The following HMGB1 variants were observed in gnomAD, a reference collection of about 807,000 sequenced individuals.
HMGB1 encodes high mobility group box 1.
For missense variants in HMGB1, 79 were observed against 253.5 expected (o/e 0.31, Z 4.67); for synonymous variants, 81 against 84.0 (o/e 0.96, Z 0.19).
At chr13:30,538,566 CTT>C (rs1343502948) in intron 1 of HMGB1, among the ~76,000 whole-genome samples, 5 of 67,468 alleles carry the variant, frequency 7.4e-5, no homozygotes, top group African/African-American at 3.4e-4. Context: ...TTTCTTTCTT[CTT>C]TTTCTTTCTT....
intron 1 of HMGB1, among the ~76,000 whole-genome samples, chr13:30,495,630 C>T (rs1016011076): frequency 1.3e-5 from 2 of 152,078 alleles, no homozygotes; most frequent in Non-Finnish European, 1.5e-5. Flanking sequence ...AGGCGCGTGC[C>T]GCCACGCCTG....
intron 1 of HMGB1, among the ~76,000 whole-genome samples, chr13:30,507,570 G>T (rs1057201194): frequency 3.9e-5 from 6 of 152,210 alleles, no homozygotes; most frequent in African/African-American, 1.4e-4. Flanking sequence ...GACTAGCACA[G>T]CAGAATTACT....
chr13:30,464,264 G>C (rs2137403045), intron 1 of HMGB1: 2 of 985,480 alleles, frequency 2.0e-6, no homozygotes, highest in Non-Finnish European at 2.4e-6. Context: ...GGGGGTGGCG[G>C]TGCCACCGCG....
chr13:30,475,116 CTG>C (rs1324601150), intron 1 of HMGB1, among the ~76,000 whole-genome samples: 1 of 74,298 alleles, frequency 1.3e-5, no homozygotes, highest in Non-Finnish European at 2.5e-5. Flanking sequence ...CCTTGGCTCA[CTG>C]TCTCTCTCTC....
chr13:30,514,728 C>A (rs775722543), intron 1 of HMGB1, among the ~76,000 whole-genome samples: 119 of 152,254 alleles, frequency 7.8e-4, no homozygotes, highest in Non-Finnish European at 1.4e-3. Flanking sequence ...GCCTCAAACT[C>A]CTGGGCTCAA....
intron 1 of HMGB1, among the ~76,000 whole-genome samples, chr13:30,549,484 G>T (rs564290176): frequency 2.0e-5 from 3 of 152,196 alleles, no homozygotes; most frequent in Admixed American, 6.5e-5. Context: ...TTGGGCTCAA[G>T]TGGTCCTCCT....
intron 4 of HMGB1, 57 bp downstream of exon 4, chr13:30,462,481 C>A (rs1428653838): frequency 7.3e-7 from 1 of 1,376,918 alleles, no homozygotes; most frequent in Admixed American, 1.7e-5. Flanking sequence ...AAACTAAGTA[C>A]AATCATACAT....
intron 1 of HMGB1, among the ~76,000 whole-genome samples, chr13:30,524,027 T>C (rs985993150): frequency 1.3e-5 from 2 of 152,154 alleles, no homozygotes; most frequent in African/African-American, 4.8e-5. Flanking sequence ...GATTAGTTCA[T>C]GTCCTTTGCA....
chr13:30,543,723 AG>A (rs1229130231), intron 1 of HMGB1, among the ~76,000 whole-genome samples: 3 of 152,172 alleles, frequency 2.0e-5, no homozygotes, highest in African/African-American at 7.2e-5. Flanking sequence ...TGGGCCCTGA[AG>A]CCCCAACTGC....
chr13:30,494,097 G>A (rs1887558439), intron 1 of HMGB1, among the ~76,000 whole-genome samples: 1 of 151,912 alleles, frequency 6.6e-6, no homozygotes, highest in Non-Finnish European at 1.5e-5. Context: ...CTCCCATTGA[G>A]TGTTTGGCAG....
intron 1 of HMGB1, among the ~76,000 whole-genome samples, chr13:30,601,437 T>C (rs1950399859): frequency 6.6e-6 from 1 of 152,158 alleles, no homozygotes; most frequent in African/African-American, 2.4e-5. Context: ...GGAGTTTTAG[T>C]GTCCTCACTT....
Position 30,524,096 on chromosome 13 carries a change from C to G in HMGB1, c.-14-60402G>C, listed in dbSNP as rs574292976. 3.9e-5 allele frequency among the ~76,000 whole-genome samples: 6 copies of G among 152,008 alleles called. No individual in the cohort carries two copies. The South Asian group carries it at 1.3e-3, about 32-fold the overall frequency. On this transcript the variant is annotated intron_variant, in intron 1 of 4. Transcript: ENST00000405805. ...AGCAAACTAACACAGGAACAGAAAA[C>G]CAAACACCACATGCTCTCACTCGTA...
At chr13:30,529,368 T>C (rs1888446754) in intron 1 of HMGB1, among the ~76,000 whole-genome samples, 1 of 152,206 alleles carries the variant, frequency 6.6e-6, no homozygotes, top group Non-Finnish European at 1.5e-5. Context: ...GGATGTCCTA[T>C]GAACCAAGGA....
At chr13:30,616,588 A>G (rs1347988822) in intron 1 of HMGB1, 1 of 152,248 alleles carries the variant, frequency 6.6e-6, no homozygotes, top group Non-Finnish European at 1.5e-5. Context: ...TTCATAAAAA[A>G]GAAAAACCTA....
intron 1 of HMGB1, among the ~76,000 whole-genome samples, chr13:30,507,186 A>G (rs1369950805): frequency 2.0e-5 from 3 of 152,002 alleles, no homozygotes; most frequent in Non-Finnish European, 2.9e-5. Flanking sequence ...ACCCTCCACT[A>G]AGCTCTCTCC....
intron 1 of HMGB1, among the ~76,000 whole-genome samples, chr13:30,529,028 CAAAAAAAAAAAAA>C (rs59654057): frequency 2.8e-4 from 15 of 53,548 alleles, no homozygotes; most frequent in East Asian, 2.0e-3. Flanking sequence ...GACTGCGTCT[CAAAAAAAAAAAAA>C]AAAAAAAAAA....
At chr13:30,570,155 C>T (rs926695035) in intron 1 of HMGB1, among the ~76,000 whole-genome samples, 1 of 152,192 alleles carries the variant, frequency 6.6e-6, no homozygotes, top group Non-Finnish European at 1.5e-5. Flanking sequence ...GCCTGGAAGC[C>T]TCGCTCTGCT....
chr13:30,593,947 C>T (rs1334293627), intron 1 of HMGB1, among the ~76,000 whole-genome samples: 1 of 152,174 alleles, frequency 6.6e-6, no homozygotes, highest in Non-Finnish European at 1.5e-5. Context: ...ATTGAATTGA[C>T]TGACAAAACT....
chr13:30,499,922 G>A (rs1197598392), intron 1 of HMGB1, among the ~76,000 whole-genome samples: 1 of 152,166 alleles, frequency 6.6e-6, no homozygotes, highest in Non-Finnish European at 1.5e-5. Flanking sequence ...TCGGGCCTGG[G>A]GAAATGTGTC....
Sources: allele counts gnomAD v4.1 joint callset (sites outside exome capture counted in the v4.1 genomes callset), GRCh38; gene constraint gnomAD v4.1.1; transcripts MANE v1.5; gene names NCBI Gene and HGNC (gene_info 2026-07-23, HGNC 2026-07-21).